DNAAF5: variants seen among roughly 807,000 people sequenced by gnomAD.
The protein encoded by DNAAF5 is HEAT repeat containing 2.
Under a neutral mutation model 75.8 loss-of-function variants are expected in DNAAF5, and 64 were observed. That is an observed-to-expected ratio of 0.84 (90% CI 0.69 to 1.04). DNAAF5 has a LOEUF of 1.04. Among genes scored for constraint, DNAAF5 ranks in the 50% least tolerant of loss-of-function variants. The probability of loss-of-function intolerance (pLI) is 0.00; values close to 1 mark genes in which losing one functional copy is unlikely to be tolerated. For synonymous variants in DNAAF5, 657 were observed against 557.2 expected (o/e 1.18, Z -2.52); for missense variants, 1,269 against 1,178.5 (o/e 1.08, Z -1.12).
chr7:781,638 G>A (rs1402841261), intron 12 of DNAAF5, among the ~76,000 whole-genome samples: 1 of 139,196 alleles, frequency 7.2e-6, no homozygotes, highest in Non-Finnish European at 1.7e-5. Context: ...AGCAGCGTGA[G>A]GGTTCCCTTG....
chr7:745,703 G>T lies in DNAAF5; in HGVS notation c.1024+4238G>T, dbSNP rs116517612. Among the ~76,000 whole-genome samples the T allele has an allele frequency of 6.5e-3, 985 of 152,318 alleles. 13 individuals carry two copies. Among genetic ancestry groups the T allele is most frequent in the African/African-American group, 0.023 (939 of 41,570 alleles). ...CACATATACACATCTGCACACGTGTGTACATGCATATCACACGTACGTGTG... is the reference window on the plus strand; with the variant it reads ...CACATATACACATCTGCACACGTGTTTACATGCATATCACACGTACGTGTG... On this transcript the variant is annotated intron_variant, in intron 4 of 12. Transcript: ENST00000297440.
At chr7:782,729 GCCGC>G (rs1779012465) in intron 12 of DNAAF5, among the ~76,000 whole-genome samples, 1 of 121,960 alleles carries the variant, frequency 8.2e-6, no homozygotes, top group African/African-American at 3.4e-5. Context: ...TCCTGGCGTG[GCCGC>G]CTCCCGTCAC....
Position 776,697 on chromosome 7 carries a change from AAGC to A in DNAAF5, c.2239+1543_2239+1545del, listed in dbSNP as rs376675826. ...GGGTGGTTGGCTTGAAGCCCCCGAA[AAGC>A]AGCAGCACTGAACAGAGTCATGAAT... On this transcript the variant is annotated intron_variant, in intron 11 of 12. Transcript: ENST00000297440. Among the ~76,000 whole-genome samples, 24 of 152,294 alleles carry A rather than the reference AAGC, an allele frequency of 1.6e-4. No individual in the cohort carries two copies. The East Asian group carries it at 3.1e-3, about 20-fold the overall frequency.
At chr7:773,958 C>G in intron 9 of DNAAF5, 90 bp from the exon 10 acceptor site, 1 of 1,460,282 alleles carries the variant, frequency 6.8e-7, no homozygotes, top group Non-Finnish European at 9.6e-7. Context: ...CTGTTTGGCT[C>G]CCCCCTCAGC....
rs1186232599 is a variant in DNAAF5, at chr7:727,273, G to A, written c.553G>A (p.Glu185Lys). The change falls in exon 1 of 13, where the codon GAG becomes AAG. Residue 185 changes from glutamate (E) to lysine (K), a missense_variant. Transcript: ENST00000297440. ...LLDPFAAVRR[E>K]SCSCAAALAQ... The stretch of plus-strand genomic sequence containing the variant: ...CGACCCCTTCGCCGCCGTGCGCCGC[G>A]AGAGCTGCAGCTGCGCCGCCGCCCT... The A allele has an allele frequency of 2.3e-6, 3 of 1,319,130 alleles. No individual in the cohort carries two copies. The highest frequency in any genetic ancestry group is 1.5e-5 in the African/African-American group (1 of 64,532). 81.7% of individuals were successfully genotyped at this position (1,319,130 alleles called of 1,614,324 possible). A position where few individuals can be genotyped will look rare whatever the true frequency, so the allele number is the denominator to read the frequency against.
chr7:762,057 G>A (rs1465504074), intron 7 of DNAAF5, among the ~76,000 whole-genome samples, 161 bp downstream of exon 7: 3 of 152,192 alleles, frequency 2.0e-5, no homozygotes, highest in Non-Finnish European at 4.4e-5. Context: ...AACGGCCTTC[G>A]GGGCAGCTCT....
chr7:731,043 A>G (rs903284420), intron 2 of DNAAF5, among the ~76,000 whole-genome samples: 3 of 152,166 alleles, frequency 2.0e-5, no homozygotes, highest in African/African-American at 7.2e-5. Flanking sequence ...AGGGCAGTTC[A>G]AGGGGCCAGG....
intron 8 of DNAAF5, among the ~76,000 whole-genome samples, chr7:767,094 C>G (rs918100366): frequency 1.9e-4 from 29 of 152,072 alleles, no homozygotes; most frequent in African/African-American, 6.8e-4. Flanking sequence ...AAAAAATTAG[C>G]TGGGTGCGGT....
Position 768,123 on chromosome 7 carries a change from C to A in DNAAF5, c.1784-2348C>A, listed in dbSNP as rs560393692. ...TGGGAGCGGAGACAGGTGATCTGGGCGGAAGTGTCCATGCTGCGAGCGCTC... is the reference window on the plus strand; with the variant it reads ...TGGGAGCGGAGACAGGTGATCTGGGAGGAAGTGTCCATGCTGCGAGCGCTC... On this transcript the variant is annotated intron_variant, in intron 8 of 12. Coordinates refer to ENST00000297440, the MANE Select transcript of DNAAF5 (RefSeq NM_017802.4). Among the ~76,000 whole-genome samples, 177 of 98,796 alleles carry A rather than the reference C, an allele frequency of 1.8e-3. 6 individuals are homozygous for A. In the South Asian group the frequency reaches 0.064, roughly 35 times the overall value. The allele number at this position is 98,796 out of a possible 152,430, so 64.8% of individuals were successfully genotyped here.
intron 10 of DNAAF5, 62 bp from the exon 11 acceptor site, chr7:774,944 G>GAGCACC (rs1156392837): frequency 9.2e-6 from 14 of 1,526,200 alleles, no homozygotes; most frequent in Non-Finnish European, 1.3e-5. Context: ...CACGGATGGT[G>GAGCACC]AGCACCCCCA....
intron 9 of DNAAF5, chr7:771,179 C>T (rs1414470818): frequency 1.3e-5 from 2 of 152,342 alleles, no homozygotes; most frequent in African/African-American, 4.8e-5. Flanking sequence ...AAAAATACCT[C>T]TTTGTTATCT....
At position 770,510 on chromosome 7, in the gene DNAAF5, C is replaced by G. The variant is rs201903719; in HGVS notation, c.1823C>G (p.Thr608Arg). 1.9e-6 allele frequency: 3 copies of G among 1,613,690 alleles called. No individual in the cohort carries two copies. The highest frequency in any genetic ancestry group is 2.5e-6 in the Non-Finnish European group (3 of 1,179,998). ...LGEALPHVVP[T>R]LRACLQPSQD... ...GAAGCCCTGCCACACGTCGTGCCCA[C>G]GCTGAGGGCCTGTCTGCAGCCCTCC... The change falls in exon 9 of 13, where the codon ACG becomes AGG. Residue 608 changes from threonine to arginine, a missense_variant. Coordinates refer to ENST00000297440, the MANE Select transcript of DNAAF5 (RefSeq NM_017802.4).
rs1782451782 is a variant in DNAAF5 at position 755,413 on chromosome 7, A to G, written c.1257+592A>G. ...GCCACGCCCTGCGCTGACAGTCACC[A>G]CCATGAGGACTTCACACCCACCTCA... is the stretch of plus-strand genomic sequence containing the variant. On this transcript the variant is annotated intron_variant, in intron 5 of 12. Coordinates refer to ENST00000297440, the MANE Select transcript of DNAAF5 (RefSeq NM_017802.4). Among the ~76,000 whole-genome samples the G allele has an allele frequency of 2.0e-5, 3 of 152,196 alleles. No homozygotes were observed. In the South Asian group the frequency reaches 6.2e-4, roughly 31 times the overall value.
intron 2 of DNAAF5, among the ~76,000 whole-genome samples, chr7:735,822 G>GTT (rs942507047): frequency 1.3e-5 from 2 of 151,664 alleles, no homozygotes; most frequent in African/African-American, 4.9e-5. Flanking sequence ...CTAATTTTGG[G>GTT]TTTGGTTTGC....
intron 9 of DNAAF5, 122 bp downstream of exon 9, chr7:770,740 C>T (rs376386821): frequency 1.2e-4 from 105 of 911,942 alleles, no homozygotes; most frequent in African/African-American, 8.6e-4. Context: ...CACTGCACTG[C>T]GCAAGGGGTT....
At chr7:768,082 G>C (rs62432862) in intron 8 of DNAAF5, among the ~76,000 whole-genome samples, 103,663 of 136,844 alleles carry the variant, frequency 0.76, 38,548 homozygotes, top group South Asian at 0.83. Flanking sequence ...TCCGTGCAGC[G>C]AGCGGGAGCT....
At chr7:784,710 G>A (rs1162324980) in intron 12 of DNAAF5, among the ~76,000 whole-genome samples, 1 of 152,194 alleles carries the variant, frequency 6.6e-6, no homozygotes, top group Non-Finnish European at 1.5e-5. Context: ...GCCCGTGGGA[G>A]GTTTGCAGTC....
intron 8 of DNAAF5, among the ~76,000 whole-genome samples, chr7:766,683 C>T (rs1364959059): frequency 2.0e-5 from 3 of 152,018 alleles, no homozygotes; most frequent in Non-Finnish European, 4.4e-5. Flanking sequence ...AGTCCATAAC[C>T]GAGCAGCCTG....
Position 749,689 on chromosome 7 carries a change from G to C in DNAAF5, c.1025-4900G>C, listed in dbSNP as rs1261055498. 3.3e-5 allele frequency among the ~76,000 whole-genome samples: 5 copies of C among 152,142 alleles called. No homozygotes were observed. The South Asian group carries it at 8.3e-4, about 25-fold the overall frequency. The stretch of plus-strand genomic sequence containing the variant: ...CTCTGAGTTAGCCGGGGGTGTTACA[G>C]AAGAAGGAACTTCTTTTTCTTTTTT... On this transcript the variant is annotated intron_variant, in intron 4 of 12. Coordinates refer to ENST00000297440, the MANE Select transcript of DNAAF5 (RefSeq NM_017802.4).
Sources: allele counts gnomAD v4.1 joint callset (sites outside exome capture counted in the v4.1 genomes callset), GRCh38; gene constraint gnomAD v4.1.1; transcripts MANE v1.5; gene names NCBI Gene and HGNC (gene_info 2026-07-23, HGNC 2026-07-21).